The following DST variants were observed in gnomAD, a reference collection of about 807,000 sequenced individuals.
The protein encoded by DST is dystonin.
DST carries 253 observed loss-of-function variants against 875.2 expected under a neutral mutation model. The ratio of observed to expected loss-of-function variants is 0.29; its 90% CI spans 0.26 to 0.32. The LOEUF is 0.32. Ranked by LOEUF, DST falls within the 10% of genes least tolerant of loss-of-function variation. DST has a pLI of 1.00. For missense variants in DST, 8,287 were observed against 9,111.6 expected (o/e 0.91, Z 3.68); for synonymous variants, 3,124 against 3,197.1 (o/e 0.98, Z 0.77).
chr6:56,693,214 C>A, intron 9 of DST: 1 of 1,216,810 alleles, frequency 8.2e-7, no homozygotes, highest in Non-Finnish European at 1.0e-6. Context: ...TTACTTAGAT[C>A]CTCTCCATTA....
intron 55 of DST, among the ~76,000 whole-genome samples, chr6:56,566,673 T>G (rs2097684914): frequency 6.6e-6 from 1 of 152,140 alleles, no homozygotes; most frequent in Non-Finnish European, 1.5e-5. Context: ...CTCACTTTAC[T>G]GTTAAAATTA....
At chr6:56,769,858 C>T (rs2099644802) in intron 4 of DST, among the ~76,000 whole-genome samples, 2 of 152,156 alleles carry the variant, frequency 1.3e-5, no homozygotes, top group South Asian at 4.1e-4. Context: ...TATTCCTGTC[C>T]TCAAAAAGCT....
At chr6:56,950,895 T>C (rs1253655801) in intron 2 of DST, among the ~76,000 whole-genome samples, 1 of 152,204 alleles carries the variant, frequency 6.6e-6, no homozygotes. Flanking sequence ...TAAACATCTA[T>C]ATTACTTATT....
intron 2 of DST, among the ~76,000 whole-genome samples, chr6:56,913,562 T>C (rs1232227317): frequency 6.6e-6 from 1 of 152,210 alleles, no homozygotes; most frequent in Non-Finnish European, 1.5e-5. Context: ...AGAGATCATA[T>C]GACCTGCAAA....
intron 71 of DST, 32 bp downstream of exon 71, chr6:56,517,166 G>A (rs375632448): frequency 2.0e-6 from 3 of 1,493,708 alleles, no homozygotes; most frequent in Middle Eastern, 3.4e-4. Flanking sequence ...TTTTTCAAGA[G>A]TCCCACTACC....
chr6:56,796,388 G>A (rs146577988), intron 4 of DST, among the ~76,000 whole-genome samples: 32 of 152,320 alleles, frequency 2.1e-4, no homozygotes, highest in African/African-American at 7.0e-4. Context: ...AATGAATGTG[G>A]TAACTACATT....
At chr6:56,906,307 C>T (rs1044415184) in intron 2 of DST, among the ~76,000 whole-genome samples, 15 of 152,098 alleles carry the variant, frequency 9.9e-5, no homozygotes, top group South Asian at 2.1e-4. Flanking sequence ...TTCCCTTTAA[C>T]GAAAAGCAGC....
At chr6:56,939,794 G>T (rs755692422) in intron 2 of DST, among the ~76,000 whole-genome samples, 2 of 152,114 alleles carry the variant, frequency 1.3e-5, no homozygotes, top group Non-Finnish European at 2.9e-5. Flanking sequence ...GGAGGCCGAG[G>T]CGGCTGGATC....
At chr6:56,507,554 G>A (rs116123459) in intron 75 of DST, among the ~76,000 whole-genome samples, 2,468 of 152,298 alleles carry the variant, frequency 0.016, 62 homozygotes, top group African/African-American at 0.055. Flanking sequence ...TTTTACATGG[G>A]GGTAATGATC....
intron 89 of DST, 95 bp from the exon 90 acceptor site, chr6:56,482,273 TG>T: frequency 7.4e-7 from 1 of 1,345,800 alleles, no homozygotes; most frequent in Non-Finnish European, 9.7e-7. Flanking sequence ...ATCCCTTCAA[TG>T]AAAAAAAAAA....
chr6:56,495,579 A>T (rs1307272651), intron 82 of DST, among the ~76,000 whole-genome samples: 1 of 152,058 alleles, frequency 6.6e-6, no homozygotes, highest in Non-Finnish European at 1.5e-5. Context: ...ACACTGTCAA[A>T]GCTGTGCAAG....
chr6:56,824,975 G>C (rs2099778300), intron 4 of DST, among the ~76,000 whole-genome samples: 1 of 152,228 alleles, frequency 6.6e-6, no homozygotes, highest in African/African-American at 2.4e-5. Context: ...CCTCTGCCCG[G>C]CCACCACCTG....
chr6:56,843,221 A>T, intron 4 of DST: 1 of 1,384,336 alleles, frequency 7.2e-7, no homozygotes, highest in Non-Finnish European at 9.6e-7. Flanking sequence ...CGCAGTCAGC[A>T]AGACACAGCC....
chr6:56,847,124 C>A (rs995675070), intron 4 of DST, among the ~76,000 whole-genome samples: 1 of 151,928 alleles, frequency 6.6e-6, no homozygotes, highest in Admixed American at 6.6e-5. Flanking sequence ...TCGAGTCCAG[C>A]CTGGGCAACA....
intron 9 of DST, among the ~76,000 whole-genome samples, chr6:56,683,735 T>C (rs1478413413): frequency 1.3e-5 from 2 of 152,234 alleles, no homozygotes; most frequent in Non-Finnish European, 2.9e-5. Flanking sequence ...AACCCTGCCA[T>C]GTAAACTTTG....
chr6:56,618,824 A>G, intron 36 of DST: 1 of 1,614,160 alleles, frequency 6.2e-7, no homozygotes, highest in Non-Finnish European at 8.5e-7. Context: ...AAACAGAACC[A>G]TCTTTCTGTG....
At position 56,805,637 on chromosome 6, in the gene DST, C is replaced by T. The variant is rs75013432; in HGVS notation, c.625+45760G>A. On this transcript the variant is annotated intron_variant, in intron 4 of 103. Coordinates refer to ENST00000680361, the MANE Select transcript of DST (RefSeq NM_001374736.1). ...TCAAAGAACTACAATAAGCTGCTAACATTTATTATCTACCATGTGCCTACT... is the reference window on the plus strand; with the variant it reads ...TCAAAGAACTACAATAAGCTGCTAATATTTATTATCTACCATGTGCCTACT... Among the ~76,000 whole-genome samples the T allele has an allele frequency of 2.4e-3, 372 of 152,322 alleles. 2 individuals are homozygous for T. The highest frequency in any genetic ancestry group is 8.2e-3 in the African/African-American group (339 of 41,578).
chr6:56,602,110 A>G, intron 43 of DST: 1 of 301,994 alleles, frequency 3.3e-6, no homozygotes, highest in Non-Finnish European at 6.5e-6. Flanking sequence ...ATATGCCAGA[A>G]TTTCAGTTTT....
chr6:56,480,701 A>G (rs931491408), intron 90 of DST, among the ~76,000 whole-genome samples: 1 of 152,236 alleles, frequency 6.6e-6, no homozygotes, highest in Non-Finnish European at 1.5e-5. Context: ...CTATTTAAAA[A>G]TAATTTGTTG....
Sources: allele counts gnomAD v4.1 joint callset (sites outside exome capture counted in the v4.1 genomes callset), GRCh38; gene constraint gnomAD v4.1.1; transcripts MANE v1.5; gene names NCBI Gene and HGNC (gene_info 2026-07-23, HGNC 2026-07-21).